Variants in PALB2 observed in about 807,000 individuals in gnomAD.
The protein encoded by PALB2 is partner and localizer of BRCA2.
Under a neutral mutation model 107.4 loss-of-function variants are expected in PALB2, and 82 were observed. The observed-to-expected ratio is 0.76, with a 90% CI of 0.64 to 0.92. The LOEUF is 0.92. Among genes scored for constraint, PALB2 ranks in the 40% least tolerant of loss-of-function variants. The pLI, the probability that PALB2 is intolerant of heterozygous loss-of-function variation, is 0.00. For synonymous variants in PALB2, 489 were observed against 496.8 expected (o/e 0.98, Z 0.21); for missense variants, 1,374 against 1,379.9 (o/e 1.00, Z 0.07).
intron 3 of PALB2, among the ~76,000 whole-genome samples, 176 bp downstream of exon 3, chr16:23,637,674 C>T (rs1393907382): frequency 6.6e-6 from 1 of 152,044 alleles, no homozygotes. Context: ...CACTGCACTC[C>T]AGCCTGGGTA....
At chr16:23,620,077 G>A (rs766171844) in intron 10 of PALB2, among the ~76,000 whole-genome samples, 8 of 152,122 alleles carry the variant, frequency 5.3e-5, no homozygotes, top group Non-Finnish European at 7.4e-5. Context: ...ACCCGTGCCC[G>A]GCCCTGATTT....
intron 3 of PALB2, among the ~76,000 whole-genome samples, chr16:23,637,295 T>C (rs907072333): frequency 9.2e-5 from 14 of 151,688 alleles, no homozygotes; most frequent in African/African-American, 2.7e-4. Context: ...ATTTAAACAA[T>C]AAATATAATT....
chr16:23,630,160 T>C lies in PALB2; in HGVS notation c.1994A>G (p.Asp665Gly). The change falls in exon 5 of 13, where the codon GAT becomes GGT. Residue 665 changes from aspartate to glycine, a missense_variant. Transcript: ENST00000261584. The stretch of plus-strand genomic sequence containing the variant: ...CTCTTCTAAGTCCTCCATTTCTGTA[T>C]CCATGCGTTTAGGACTCAGTTCCTC... The part of the protein sequence containing the change: ...FPEELSPKRM[D>G]TEMEDLEEDL... 1 of 1,614,202 alleles carries C rather than the reference T, an allele frequency of 6.2e-7. No homozygotes were observed. Among genetic ancestry groups the C allele is most frequent in the Non-Finnish European group, 8.5e-7 (1 of 1,180,028 alleles).
chr16:23,623,853 G>C, intron 8 of PALB2, 156 bp downstream of exon 8: 1 of 647,620 alleles, frequency 1.5e-6, no homozygotes, highest in Non-Finnish European at 2.7e-6. Flanking sequence ...TTCAGTCAGG[G>C]ATGTCATTCT....
intron 6 of PALB2, among the ~76,000 whole-genome samples, chr16:23,627,504 A>AG (rs1966847399): frequency 6.6e-6 from 1 of 151,528 alleles, no homozygotes; most frequent in African/African-American, 2.4e-5. Context: ...AAAAAAAAAA[A>AG]AAAAAAAGAA....
At chr16:23,614,167 C>G in intron 10 of PALB2, 76 bp from the exon 11 acceptor site, 1 of 1,064,988 alleles carries the variant, frequency 9.4e-7, no homozygotes, top group African/African-American at 1.6e-5. Context: ...TCTTATTCAT[C>G]ATAGCATGTC....
intron 4 of PALB2, among the ~76,000 whole-genome samples, chr16:23,631,362 A>G (rs1461586189): frequency 6.6e-6 from 1 of 151,124 alleles, no homozygotes; most frequent in African/African-American, 2.4e-5. Flanking sequence ...TCAGCTACTC[A>G]GGAAGCTGAG....
intron 1 of PALB2, 42 bp downstream of exon 1, chr16:23,641,068 G>C (rs963683062): frequency 8.1e-6 from 13 of 1,607,232 alleles, no homozygotes; most frequent in Non-Finnish European, 1.1e-5. Context: ...CTGGGAAAGC[G>C]GGGTCAGAGT....
At position 23,641,278 on chromosome 16, in the gene PALB2, C is replaced by A; in HGVS notation, c.-121G>T. 3 of 1,317,234 alleles carry A rather than the reference C, an allele frequency of 2.3e-6. No homozygotes were observed. In the East Asian group the frequency reaches 7.5e-5, roughly 33 times the overall value. 81.6% of individuals were successfully genotyped at this position (1,317,234 alleles called of 1,614,324 possible). A position where few individuals can be genotyped will look rare whatever the true frequency, so the allele number is the denominator to read the frequency against. On this transcript the variant is annotated 5_prime_UTR_variant, in exon 1 of 13. Transcript: ENST00000261584. The stretch of plus-strand genomic sequence containing the variant: ...AAGGAATGGGGAGCCCGGGATCGCA[C>A]CCTCAGTGCGCGATCAGCTGACCCA...
intron 9 of PALB2, among the ~76,000 whole-genome samples, chr16:23,622,275 T>G (rs528319716): frequency 8.5e-5 from 13 of 152,174 alleles, no homozygotes; most frequent in African/African-American, 2.9e-4. Context: ...GAGGTAGAAA[T>G]GTATGTTTGC....
intron 11 of PALB2, among the ~76,000 whole-genome samples, chr16:23,608,823 C>CACACACACACACACACAT (rs1434556537): frequency 1.3e-5 from 2 of 148,178 alleles, no homozygotes; most frequent in African/African-American, 2.5e-5. Context: ...CACACACACA[C>CACACACACACACACACAT]ATATATACAG....
intron 3 of PALB2, among the ~76,000 whole-genome samples, chr16:23,636,977 C>T (rs1191537306): frequency 1.3e-5 from 2 of 152,148 alleles, no homozygotes; most frequent in East Asian, 1.9e-4. Context: ...TCACTGGGCA[C>T]GGTGGCTCAC....
chr16:23,633,235 C>T (rs1221086923), intron 4 of PALB2, among the ~76,000 whole-genome samples: 1 of 152,228 alleles, frequency 6.6e-6, no homozygotes, highest in Non-Finnish European at 1.5e-5. Context: ...TTAGTCACAG[C>T]TTATAGACCA....
rs2142479360 is a variant in PALB2 at position 23,641,024 on chromosome 16, G to A, written c.48+86C>T. 7.4e-6 allele frequency: 11 copies of A among 1,490,328 alleles called. No individual in the cohort carries two copies. The South Asian group carries it at 1.2e-4, about 16-fold the overall frequency. The allele number at this position is 1,490,328 out of a possible 1,614,324, so 92.3% of individuals were successfully genotyped here. A position where few individuals can be genotyped will look rare whatever the true frequency, so the allele number is the denominator to read the frequency against. Reference sequence around the variant, plus strand: ...GTGGTCAGATGATACTGCTGCCCTCGGACTGCCGAGGACACAAAGCCAGGC... The same window carrying A: ...GTGGTCAGATGATACTGCTGCCCTCAGACTGCCGAGGACACAAAGCCAGGC... On this transcript the variant is annotated intron_variant, in intron 1 of 12. Coordinates refer to ENST00000261584, the MANE Select transcript of PALB2 (RefSeq NM_024675.4).
intron 12 of PALB2, among the ~76,000 whole-genome samples, chr16:23,606,802 C>T (rs1238235573): frequency 6.8e-6 from 1 of 146,718 alleles, no homozygotes; most frequent in Admixed American, 6.9e-5. Flanking sequence ...GGATTACAGG[C>T]GTGAGCCACT....
At chr16:23,621,222 AAAC>A (rs1450725403) in intron 10 of PALB2, 137 bp downstream of exon 10, 10 of 706,746 alleles carry the variant, frequency 1.4e-5, no homozygotes, top group South Asian at 4.6e-5. Flanking sequence ...AACACAACAA[AAAC>A]AACAACAACA....
In PALB2 at chr16:23,635,076, G is replaced by A. The variant is rs45612837; in HGVS notation, c.1470C>T (p.Pro490=). ...KLLSLTKVSS[P]AGPTEDNDLS... The stretch of plus-strand genomic sequence containing the variant: ...AGTCATTATCTTCAGTGGGCCCAGC[G>A]GGAGAGCTGACTTTAGTTAATGAGA... Residue 490 remains proline (P), a synonymous_variant, in exon 4 of 13, where the codon CCC becomes CCT. Coordinates refer to ENST00000261584, the MANE Select transcript of PALB2 (RefSeq NM_024675.4). 904 of 1,614,134 alleles carry A rather than the reference G, an allele frequency of 5.6e-4. No homozygotes were observed. Among genetic ancestry groups the A allele is most frequent in the Non-Finnish European group, 7.2e-4 (848 of 1,180,018 alleles).
intron 7 of PALB2, 145 bp from the exon 8 acceptor site, chr16:23,624,239 T>A (rs1417060550): frequency 3.0e-6 from 2 of 665,070 alleles, no homozygotes. Context: ...ACTCTTTTTA[T>A]TAGCTGTAAA....
intron 10 of PALB2, among the ~76,000 whole-genome samples, chr16:23,621,074 G>A (rs1966762667): frequency 6.6e-6 from 1 of 152,210 alleles, no homozygotes; most frequent in South Asian, 2.1e-4. Flanking sequence ...GCTGGGTGTG[G>A]TGGCACATGC....
Sources: allele counts gnomAD v4.1 joint callset (sites outside exome capture counted in the v4.1 genomes callset), GRCh38; gene constraint gnomAD v4.1.1; transcripts MANE v1.5; gene names NCBI Gene and HGNC (gene_info 2026-07-23, HGNC 2026-07-21).